FRYL: variants seen among roughly 807,000 people sequenced by gnomAD.
FRYL encodes FRY like transcription coactivator.
In FRYL, 150 loss-of-function variants were observed where a neutral mutation model predicts 351.2. The observed-to-expected ratio is 0.43, with a 90% CI of 0.37 to 0.49. The LOEUF (loss-of-function observed/expected upper bound fraction) is 0.49. FRYL is among the 20% of genes least tolerant of loss of function. The pLI is 0.00. For synonymous variants in FRYL, 1,153 were observed against 1,257.1 expected (o/e 0.92, Z 1.75); for missense variants, 3,036 against 3,619.3 (o/e 0.84, Z 4.13).
chr4:48,634,537 A>C, intron 3 of FRYL, 47 bp from the exon 4 acceptor site: 189 of 1,470,484 alleles, frequency 1.3e-4, no homozygotes, highest in Middle Eastern at 2.1e-4. Context: ...AAATCAACTC[A>C]AGAGGTCTAC....
Position 48,606,427 on chromosome 4 carries a change from A to C in FRYL, c.741+11T>G. 1 of 1,574,502 alleles carries C rather than the reference A, an allele frequency of 6.4e-7. No homozygotes were observed. The highest frequency in any genetic ancestry group is 8.7e-7 in the Non-Finnish European group (1 of 1,150,196). ...CTTGCTCTATTTACTGTCATTTAGA[A>C]GGTATATCACCTGCATAAATTGAAA... is the stretch of plus-strand genomic sequence containing the variant. On this transcript the variant is annotated intron_variant, in intron 10 of 63. Transcript: ENST00000358350.
intron 34 of FRYL, 56 bp downstream of exon 34, chr4:48,557,397 A>G (rs1734365484): frequency 7.5e-6 from 12 of 1,592,572 alleles, no homozygotes; most frequent in African/African-American, 5.4e-5. Flanking sequence ...GTTTCTAACC[A>G]CATCTACTCA....
intron 60 of FRYL, among the ~76,000 whole-genome samples, chr4:48,504,500 A>G (rs1231017774): frequency 6.6e-6 from 1 of 152,056 alleles, no homozygotes; most frequent in Non-Finnish European, 1.5e-5. Flanking sequence ...ACAGTGGCAA[A>G]GACAGACAGA....
rs138429287 is a variant in FRYL at position 48,550,668 on chromosome 4, A to G, written c.4557T>C (p.Ser1519=). The stretch of plus-strand genomic sequence containing the variant: ...GTCTGTGATGTTGCCGATTCAAATG[A>G]CTGTTTAGTCCACTGTAAATGTCCA... The part of the protein sequence containing the change: ...VHLDIYSGLN[S]HLNRQHHRLE... The change falls in exon 38 of 64, where the codon AGT becomes AGC. Residue 1519 remains serine (S), a synonymous_variant. Coordinates refer to ENST00000358350, the MANE Select transcript of FRYL (RefSeq NM_015030.2). 6 of 1,613,892 alleles carry G rather than the reference A, an allele frequency of 3.7e-6. No individual in the cohort carries two copies. Among genetic ancestry groups the G allele is most frequent in the East Asian group, 4.5e-5 (2 of 44,884 alleles).
At chr4:48,544,045 C>T in intron 43 of FRYL, 48 bp from the exon 44 acceptor site, 1 of 1,501,130 alleles carries the variant, frequency 6.7e-7, no homozygotes, top group Non-Finnish European at 9.2e-7. Flanking sequence ...CTTTAGAATA[C>T]TAATGGGGTT....
chr4:48,507,719 A>AGAT (rs913205277), intron 59 of FRYL, among the ~76,000 whole-genome samples: 14 of 124,172 alleles, frequency 1.1e-4, no homozygotes, highest in African/African-American at 2.3e-4. Flanking sequence ...GATAGATGAT[A>AGAT]GATAGATAGA....
Position 48,557,101 on chromosome 4 carries a change from G to T in FRYL, c.4143C>A (p.Ala1381=). 10 of 1,595,898 alleles carry T rather than the reference G, an allele frequency of 6.3e-6. No individual in the cohort carries two copies. Among genetic ancestry groups the T allele is most frequent in the African/African-American group, 2.8e-5 (2 of 72,610 alleles). The change falls in exon 35 of 64, where the codon GCC becomes GCA. Residue 1381 remains alanine, a synonymous_variant. Transcript: ENST00000358350. ...TCCACACATTCTCCACCTCCGACCA[G>T]GCCAGTTCATCGCCATACTAGATGC... is the stretch of plus-strand genomic sequence containing the variant. ...YMTAKYGDEL[A]WSEVENVWTT...
At chr4:48,725,945 A>G (rs1027899793) in intron 1 of FRYL, among the ~76,000 whole-genome samples, 1 of 152,166 alleles carries the variant, frequency 6.6e-6, no homozygotes, top group Non-Finnish European at 1.5e-5. Flanking sequence ...GGGTCTTGGA[A>G]CACATCTACT....
intron 2 of FRYL, among the ~76,000 whole-genome samples, chr4:48,705,226 G>A (rs182158984): frequency 4.0e-5 from 6 of 151,838 alleles, no homozygotes; most frequent in East Asian, 1.9e-4. Flanking sequence ...TTATATATCC[G>A]CAAGGTTATG....
intron 2 of FRYL, among the ~76,000 whole-genome samples, chr4:48,709,415 G>A (rs1390231711): frequency 1.3e-5 from 2 of 152,182 alleles, no homozygotes; most frequent in Non-Finnish European, 2.9e-5. Context: ...CTCAAGGTCA[G>A]TAGGAGAGAA....
chr4:48,651,306 T>A (rs1196109458), intron 3 of FRYL, among the ~76,000 whole-genome samples: 4 of 144,250 alleles, frequency 2.8e-5, no homozygotes, highest in African/African-American at 1.0e-4. Context: ...TGTGTGTGTG[T>A]GTGTGTGTGT....
In FRYL at chr4:48,547,657, G is replaced by A. The variant is rs777353548; in HGVS notation, c.5001C>T (p.Leu1667=). Residue 1667 remains leucine, a synonymous_variant, in exon 41 of 64, where the codon CTC becomes CTT. Transcript: ENST00000358350. ...SNIRTVASVL[L]RNKEFNEPRV... ...TGGGCTCATTAAACTCCTTGTTCCT[G>A]AGAAGGACAGAAGCAACAGTTCGGA... 8 of 1,607,562 alleles carry A rather than the reference G, an allele frequency of 5.0e-6. No individual in the cohort carries two copies. The highest frequency in any genetic ancestry group is 2.2e-5 in the South Asian group (2 of 90,204).
rs1728477546 is a variant in FRYL, at chr4:48,534,648, AATG to A, written c.6599_6601del (p.Ser2200del). ...CAATAGACTATAAATAATCTGTAGT[AATG>A]ATTGCTGCATACTGGACAATCCTTT... On this transcript the variant is annotated inframe_deletion, in exon 49 of 64. Coordinates refer to ENST00000358350, the MANE Select transcript of FRYL (RefSeq NM_015030.2). The A allele has an allele frequency of 1.3e-6, 2 of 1,586,452 alleles. No individual in the cohort carries two copies. Among genetic ancestry groups the A allele is most frequent in the African/African-American group, 2.7e-5 (2 of 74,410 alleles).
chr4:48,638,555 C>T (rs1339327809), intron 3 of FRYL: 4 of 152,096 alleles, frequency 2.6e-5, no homozygotes, highest in Non-Finnish European at 5.9e-5. Flanking sequence ...ATGGCAATTC[C>T]TCAAGGATCT....
chr4:48,716,743 A>G (rs1161105812), intron 1 of FRYL, among the ~76,000 whole-genome samples: 4 of 151,492 alleles, frequency 2.6e-5, no homozygotes, highest in African/African-American at 9.7e-5. Context: ...AACTAGAAAT[A>G]CCATTTGACC....
At chr4:48,545,733 T>C (rs1731192210) in intron 42 of FRYL, among the ~76,000 whole-genome samples, 1 of 152,196 alleles carries the variant, frequency 6.6e-6, no homozygotes, top group African/African-American at 2.4e-5. Context: ...CTATATTCCC[T>C]CTCTACTTAT....
intron 20 of FRYL, among the ~76,000 whole-genome samples, chr4:48,581,853 C>T (rs1740971627): frequency 6.6e-6 from 1 of 152,158 alleles, no homozygotes; most frequent in Non-Finnish European, 1.5e-5. Flanking sequence ...AACCTTGGAA[C>T]TGACAGTTGC....
chr4:48,515,365 C>A, intron 55 of FRYL, 90 bp from the exon 56 acceptor site: 1 of 975,290 alleles, frequency 1.0e-6, no homozygotes, highest in Non-Finnish European at 1.5e-6. Flanking sequence ...CCATCTAAGT[C>A]TGTTTTATTA....
chr4:48,642,580 C>T (rs1755557669), intron 3 of FRYL, among the ~76,000 whole-genome samples: 2 of 152,030 alleles, frequency 1.3e-5, no homozygotes, highest in South Asian at 2.1e-4. Context: ...TTATCCTAAA[C>T]TATTCTTATT....
Sources: allele counts gnomAD v4.1 joint callset (sites outside exome capture counted in the v4.1 genomes callset), GRCh38; gene constraint gnomAD v4.1.1; transcripts MANE v1.5; gene names NCBI Gene and HGNC (gene_info 2026-07-23, HGNC 2026-07-21).